NCF2: variants seen among roughly 807,000 people sequenced by gnomAD.
The protein encoded by NCF2 is neutrophil cytosolic factor 2.
NCF2 carries 45 observed loss-of-function variants against 70.9 expected under a neutral mutation model. The observed-to-expected ratio is 0.63, with a 90% CI of 0.50 to 0.81. The LOEUF is 0.81. NCF2 is among the 40% of genes least tolerant of loss of function. The probability of loss-of-function intolerance (pLI) is 0.00; values close to 1 mark genes in which losing one functional copy is unlikely to be tolerated. For synonymous variants in NCF2, 203 were observed against 233.6 expected, an observed-to-expected ratio of 0.87 and a Z score of 1.19; for missense variants, 522 against 631.6, an observed-to-expected ratio of 0.83 and a Z score of 1.86.
chr1:183,587,254 G>A (rs775112337), intron 1 of NCF2, among the ~76,000 whole-genome samples: 6 of 152,152 alleles, frequency 3.9e-5, no homozygotes, highest in Non-Finnish European at 5.9e-5. Flanking sequence ...TATACCATCT[G>A]ATTTCTGCTT....
chr1:183,587,717 A>G (rs1055688070), intron 1 of NCF2, among the ~76,000 whole-genome samples: 1 of 152,084 alleles, frequency 6.6e-6, no homozygotes, highest in Non-Finnish European at 1.5e-5. Context: ...AAGAAACACT[A>G]AAGCATTTTC....
chr1:183,578,097 A>G (rs968089028), intron 2 of NCF2, among the ~76,000 whole-genome samples: 2 of 152,168 alleles, frequency 1.3e-5, no homozygotes, highest in East Asian at 1.9e-4. Flanking sequence ...CAGAGTGTTC[A>G]GAGCTGATTT....
intron 10 of NCF2, 150 bp downstream of exon 10, chr1:183,565,552 AAG>A: frequency 4.1e-6 from 3 of 733,322 alleles, no homozygotes; most frequent in Non-Finnish European, 7.1e-6. Flanking sequence ...TGGTGCAGGA[AAG>A]GGGGATTCTG....
intron 13 of NCF2, among the ~76,000 whole-genome samples, chr1:183,562,667 T>C (rs966624839): frequency 6.6e-6 from 1 of 152,082 alleles, no homozygotes; most frequent in Non-Finnish European, 1.5e-5. Context: ...ACCCCGTCTC[T>C]ACTAAAAATA....
chr1:183,599,485 T>TTTCTTTCTTTTTC, the NCF2 span, among the ~76,000 whole-genome samples: 1 of 56,470 alleles, frequency 1.8e-5, no homozygotes, highest in Non-Finnish European at 3.2e-5. Flanking sequence ...TTTCTTTCTC[T>TTTCTTTCTTTTTC]TTTCTTTCTT....
chr1:183,586,918 C>T lies in NCF2; in HGVS notation c.234G>A (p.Gly78=). Residue 78 remains glycine (G), a synonymous_variant, in exon 2 of 15, where the codon GGG becomes GGA. Coordinates refer to ENST00000367535, the MANE Select transcript of NCF2 (RefSeq NM_000433.4). ...ACTTCTCTGTCTGGTAGTAGAGCAT[C>T]CCTCGTTGGAAGTAAGCCACTGCCA... ...KHLAVAYFQR[G]MLYYQTEKYD... is the part of the protein sequence containing the mutation. 1 of 1,614,096 alleles carries T rather than the reference C, an allele frequency of 6.2e-7. No individual in the cohort carries two copies. Among genetic ancestry groups the T allele is most frequent in the African/African-American group, 1.3e-5 (1 of 75,040 alleles).
At chr1:183,566,797 T>C in intron 9 of NCF2, 123 bp downstream of exon 9, 1 of 1,273,704 alleles carries the variant, frequency 7.9e-7, no homozygotes, top group South Asian at 1.2e-5. Flanking sequence ...CAAGGCGGGC[T>C]CAAGACTAGT....
At chr1:183,583,500 T>G (rs1340554616) in intron 2 of NCF2, among the ~76,000 whole-genome samples, 1 of 152,240 alleles carries the variant, frequency 6.6e-6, no homozygotes, top group African/African-American at 2.4e-5. Flanking sequence ...CCTTTTTAAT[T>G]TATAAGTTCC....
chr1:183,592,252 CAT>C (rs1337987315), upstream of NCF2, among the ~76,000 whole-genome samples: 1 of 152,202 alleles, frequency 6.6e-6, no homozygotes, highest in Non-Finnish European at 1.5e-5. Flanking sequence ...ATTAAGAAGA[CAT>C]GTGTGTCTTT....
At chr1:183,587,999 T>A (rs1673440629) in intron 1 of NCF2, among the ~76,000 whole-genome samples, 1 of 152,244 alleles carries the variant, frequency 6.6e-6, no homozygotes, top group Admixed American at 6.5e-5. Flanking sequence ...TTTGAGCCAG[T>A]AGACACTATG....
the NCF2 span, among the ~76,000 whole-genome samples, chr1:183,599,422 CCTTCTTTCTTTCTTTCT>C: frequency 1.5e-5 from 2 of 135,344 alleles, no homozygotes; most frequent in African/African-American, 5.5e-5. Context: ...TTCTTTCTTT[CCTTCTTTCTTTCTTTCT>C]TTCTTTCTTT....
chr1:183,576,262 G>A (rs1239929422), intron 3 of NCF2, among the ~76,000 whole-genome samples: 1 of 152,212 alleles, frequency 6.6e-6, no homozygotes, highest in African/African-American at 2.4e-5. Context: ...CACTCAGCCA[G>A]TATTTTCTGT....
chr1:183,599,489 C>CTT, the NCF2 span, among the ~76,000 whole-genome samples: 1 of 110,970 alleles, frequency 9.0e-6, no homozygotes, highest in African/African-American at 3.6e-5. Flanking sequence ...TTTCTCTTTT[C>CTT]TTTCTTTCTC....
At chr1:183,599,326 A>G in the NCF2 span, among the ~76,000 whole-genome samples, 2 of 152,152 alleles carry the variant, frequency 1.3e-5, no homozygotes, top group South Asian at 4.1e-4. Flanking sequence ...GGCTGCAGTG[A>G]ACTATGATTG....
Position 183,565,707 on chromosome 1 carries a change from G to A in NCF2, c.997C>T (p.Pro333Ser), listed in dbSNP as rs1558093746. The A allele has an allele frequency of 2.5e-6, 4 of 1,612,438 alleles. No individual in the cohort carries two copies. The highest frequency in any genetic ancestry group is 2.5e-6 in the Non-Finnish European group (3 of 1,179,994). ...SKAPGRPQLS[P>S]GQKQKEEPKE... ...CTGTGGCTCCAGGACCACTCACCTG[G>A]TGACAGCTGGGGTCTTCCAGGGGCT... Residue 333 changes from proline (P) to serine (S), a missense_variant, in exon 10 of 15, where the codon CCA (proline) becomes TCA (serine). By Grantham distance (74) the Pro-to-Ser change is moderately conservative. Transcript: ENST00000367535.
At chr1:183,601,650 G>A in the NCF2 span, among the ~76,000 whole-genome samples, 1 of 152,142 alleles carries the variant, frequency 6.6e-6, no homozygotes, top group East Asian at 1.9e-4. Flanking sequence ...GAGGTCAGAA[G>A]ATCAAGACCA....
At chr1:183,568,098 G>A (rs1386471871) in intron 7 of NCF2, among the ~76,000 whole-genome samples, 1 of 151,914 alleles carries the variant, frequency 6.6e-6, no homozygotes, top group Non-Finnish European at 1.5e-5. Context: ...GGCCCTTCCA[G>A]CTGACAGGGA....
chr1:183,585,034 T>C (rs1673280069), intron 2 of NCF2, among the ~76,000 whole-genome samples: 1 of 152,214 alleles, frequency 6.6e-6, no homozygotes, highest in Non-Finnish European at 1.5e-5. Context: ...TCTGTGGTTT[T>C]TCTTTTAGAA....
intron 10 of NCF2, among the ~76,000 whole-genome samples, chr1:183,565,007 T>C (rs34015031): frequency 0.025 from 3,812 of 152,332 alleles, 74 homozygotes; most frequent in Non-Finnish European, 0.036. Context: ...AAGTGAAAGA[T>C]ATTCTGATGT....
Sources: allele counts gnomAD v4.1 joint callset (sites outside exome capture counted in the v4.1 genomes callset), GRCh38; gene constraint gnomAD v4.1.1; transcripts MANE v1.5; gene names NCBI Gene and HGNC (gene_info 2026-07-23, HGNC 2026-07-21).